Variants in BCAS1 observed in about 807,000 individuals in gnomAD.
BCAS1 encodes brain enriched myelin associated protein 1, also known as breast carcinoma-amplified sequence 1.
BCAS1 carries 46 observed loss-of-function variants against 65.4 expected under a neutral mutation model. The observed-to-expected ratio is 0.70, with a 90% CI of 0.55 to 0.90. The LOEUF (loss-of-function observed/expected upper bound fraction) is 0.90, where lower values mean the gene tolerates loss of function less well. BCAS1 is among the 40% of genes least tolerant of loss of function. The probability of loss-of-function intolerance (pLI) is 0.00; values close to 1 mark genes in which losing one functional copy is unlikely to be tolerated. For synonymous variants in BCAS1, 298 were observed against 293.5 expected, an observed-to-expected ratio of 1.02 and a Z score of -0.16; for missense variants, 793 against 771.2, an observed-to-expected ratio of 1.03 and a Z score of -0.33.
At chr20:53,963,254 G>C (rs2089936662) in intron 10 of BCAS1, among the ~76,000 whole-genome samples, 1 of 151,848 alleles carries the variant, frequency 6.6e-6, no homozygotes, top group Admixed American at 6.6e-5. Context: ...GTCCGAGGCG[G>C]GTGGATCACC....
intron 4 of BCAS1, among the ~76,000 whole-genome samples, chr20:54,018,039 T>A (rs1323661748): frequency 6.6e-6 from 1 of 152,224 alleles, no homozygotes; most frequent in Non-Finnish European, 1.5e-5. Context: ...TTTTGAATGC[T>A]GCCAGAATTA....
chr20:53,972,100 T>C (rs916412080), intron 9 of BCAS1, among the ~76,000 whole-genome samples: 1 of 152,196 alleles, frequency 6.6e-6, no homozygotes, highest in East Asian at 1.9e-4. Flanking sequence ...CGTTGATAGA[T>C]TAGTTCTGGA....
chr20:54,001,622 T>C (rs1325453612), intron 4 of BCAS1, among the ~76,000 whole-genome samples: 1 of 152,044 alleles, frequency 6.6e-6, no homozygotes, highest in Non-Finnish European at 1.5e-5. Flanking sequence ...ATCTCTGATG[T>C]CCTATGATTC....
chr20:54,005,733 T>G (rs886258543), intron 4 of BCAS1, among the ~76,000 whole-genome samples: 10 of 152,102 alleles, frequency 6.6e-5, no homozygotes, highest in Non-Finnish European at 5.9e-5. Context: ...GACTTGAAGA[T>G]GAAGCAGCAT....
At chr20:54,033,047 G>T (rs1287091574) in intron 3 of BCAS1, among the ~76,000 whole-genome samples, 1 of 151,186 alleles carries the variant, frequency 6.6e-6, no homozygotes, top group East Asian at 1.9e-4. Context: ...GCTCCTGAAT[G>T]ACTTTTGGGT....
chr20:53,958,783 G>C (rs1439586243), intron 10 of BCAS1, among the ~76,000 whole-genome samples: 1 of 152,044 alleles, frequency 6.6e-6, no homozygotes, highest in Admixed American at 6.5e-5. Context: ...TTATTTTTCA[G>C]ACAAGGAAAT....
At chr20:53,952,495 A>T in intron 12 of BCAS1, among the ~76,000 whole-genome samples, 1 of 152,192 alleles carries the variant, frequency 6.6e-6, no homozygotes, top group East Asian at 1.9e-4. Context: ...TTGTGCATTT[A>T]TACCCCTGTT....
chr20:54,035,374 CTGGGCGACAG>C (rs1177713361), intron 3 of BCAS1, among the ~76,000 whole-genome samples: 2 of 138,048 alleles, frequency 1.4e-5, no homozygotes, highest in African/African-American at 2.7e-5. Flanking sequence ...GCACTCCAGC[CTGGGCGACAG>C]AGTGAGACTC....
chr20:53,973,695 C>A (rs904174551), intron 9 of BCAS1, among the ~76,000 whole-genome samples: 2 of 152,024 alleles, frequency 1.3e-5, no homozygotes, highest in African/African-American at 4.8e-5. Flanking sequence ...TTGTAGGTTG[C>A]GGGAATAGAA....
intron 3 of BCAS1, among the ~76,000 whole-genome samples, chr20:54,044,708 C>T (rs150098609): frequency 0.015 from 2,267 of 151,672 alleles, 33 homozygotes; most frequent in Middle Eastern, 0.051. Flanking sequence ...TGCGGTGGCA[C>T]GCGCCTGTAA....
intron 12 of BCAS1, among the ~76,000 whole-genome samples, chr20:53,951,412 G>A (rs761512047): frequency 7.2e-5 from 11 of 152,268 alleles, no homozygotes; most frequent in East Asian, 1.9e-4. Context: ...CGGAGGTTGC[G>A]GTGAGCCGAG....
At position 53,971,611 on chromosome 20, in the gene BCAS1, C is replaced by A. The variant is rs1272793991; in HGVS notation, c.1317+3778G>T. Among the ~76,000 whole-genome samples, 3 of 152,284 alleles carry A rather than the reference C, an allele frequency of 2.0e-5. No homozygotes were observed. In the East Asian group the frequency reaches 5.8e-4, roughly 29 times the overall value. On this transcript the variant is annotated intron_variant, in intron 9 of 12. Transcript: ENST00000688948. ...GACTGAGTGATGTGATGTTGGAAAG[C>A]TGAGCATGTAGCCAGGCCAAGAAGG...
intron 4 of BCAS1, among the ~76,000 whole-genome samples, chr20:54,000,225 C>T (rs1455230211): frequency 1.3e-5 from 2 of 152,086 alleles, no homozygotes; most frequent in South Asian, 2.1e-4. Flanking sequence ...TCACGAGTAG[C>T]GGGTTAGTGA....
chr20:54,025,354 C>A (rs1177845166), intron 4 of BCAS1, among the ~76,000 whole-genome samples: 1 of 152,152 alleles, frequency 6.6e-6, no homozygotes, highest in Non-Finnish European at 1.5e-5. Flanking sequence ...CTCATCCCTG[C>A]CAACACATTG....
In BCAS1 at chr20:54,039,745, T is replaced by C. The variant is rs976552558; in HGVS notation, c.143-10773A>G. ...TAACCCGTGTTTACAACCAAAATAA[T>C]TAATCTCTCTGAACCCTTTGTTTTT... On this transcript the variant is annotated intron_variant, in intron 3 of 12. Coordinates refer to ENST00000688948, the MANE Select transcript of BCAS1 (RefSeq NM_001366298.2). Among the ~76,000 whole-genome samples, 3 of 151,454 alleles carry C rather than the reference T, an allele frequency of 2.0e-5. No homozygotes were observed. The East Asian group carries it at 5.8e-4, about 29-fold the overall frequency.
At chr20:54,057,943 G>C in intron 3 of BCAS1, 142 bp downstream of exon 3, 1 of 665,304 alleles carries the variant, frequency 1.5e-6, no homozygotes, top group Non-Finnish European at 2.6e-6. Flanking sequence ...GGGCATGGTA[G>C]CCCAAGGAAC....
At chr20:54,008,567 C>T (rs1163153139) in intron 4 of BCAS1, among the ~76,000 whole-genome samples, 1 of 152,186 alleles carries the variant, frequency 6.6e-6, no homozygotes, top group Non-Finnish European at 1.5e-5. Context: ...TGTTTGCCTC[C>T]ACCTGACAGT....
At chr20:54,005,973 T>C (rs756839654) in intron 4 of BCAS1, among the ~76,000 whole-genome samples, 3 of 151,812 alleles carry the variant, frequency 2.0e-5, no homozygotes, top group Non-Finnish European at 4.4e-5. Context: ...TAATTTGGAG[T>C]CAGACTGAGG....
chr20:53,985,211 CAGTT>C, intron 8 of BCAS1, 72 bp downstream of exon 8: 1 of 1,389,208 alleles, frequency 7.2e-7, no homozygotes, highest in African/African-American at 1.4e-5. Context: ...TTGAGTACAA[CAGTT>C]AGCCCAATAG....
Sources: allele counts gnomAD v4.1 joint callset (sites outside exome capture counted in the v4.1 genomes callset), GRCh38; gene constraint gnomAD v4.1.1; transcripts MANE v1.5; gene names NCBI Gene and HGNC (gene_info 2026-07-23, HGNC 2026-07-21).